Variants in R3HDM2 observed in about 807,000 individuals in gnomAD.
R3HDM2 encodes the protein R3H domain containing 2, also known as R3H domain-containing protein 2.
R3HDM2 carries 38 observed loss-of-function variants against 124.5 expected under a neutral mutation model. That is an observed-to-expected ratio of 0.31 (90% CI 0.24 to 0.40). The LOEUF (loss-of-function observed/expected upper bound fraction) is 0.40. R3HDM2 is among the 10% of genes least tolerant of loss of function. The probability of loss-of-function intolerance (pLI) is 1.00; values close to 1 mark genes in which losing one functional copy is unlikely to be tolerated. For missense variants in R3HDM2, 869 were observed against 1,236.9 expected (o/e 0.70, Z 4.46); for synonymous variants, 391 against 448.0 (o/e 0.87, Z 1.61).
chr12:57,299,260 G>T, intron 6 of R3HDM2, 92 bp downstream of exon 6: 1 of 1,355,612 alleles, frequency 7.4e-7, no homozygotes, highest in Non-Finnish European at 1.0e-6. Flanking sequence ...ACTACAAATT[G>T]ATGGGCCAGT....
chr12:57,407,733 G>A (rs1213189116), intron 1 of R3HDM2, among the ~76,000 whole-genome samples: 1 of 151,782 alleles, frequency 6.6e-6, no homozygotes, highest in African/African-American at 2.4e-5. Context: ...CGGGCAATTG[G>A]TTTTTTAAAG....
chr12:57,360,830 C>G (rs549419849), intron 2 of R3HDM2, among the ~76,000 whole-genome samples: 13 of 151,460 alleles, frequency 8.6e-5, no homozygotes, highest in Non-Finnish European at 1.3e-4. Context: ...CTGAGGCGGG[C>G]GGGTCATGAG....
intron 19 of R3HDM2, among the ~76,000 whole-genome samples, chr12:57,259,323 T>C (rs2040051540): frequency 6.6e-6 from 1 of 152,198 alleles, no homozygotes; most frequent in Non-Finnish European, 1.5e-5. Context: ...TTTGGTATGC[T>C]TGGCAGAAAA....
chr12:57,316,111 A>G (rs2139264394), intron 2 of R3HDM2, among the ~76,000 whole-genome samples: 1 of 152,354 alleles, frequency 6.6e-6, no homozygotes, highest in South Asian at 2.1e-4. Context: ...AAATTTAGTC[A>G]GTCATTCTAC....
At chr12:57,335,855 C>A (rs117789554) in intron 2 of R3HDM2, among the ~76,000 whole-genome samples, 2 of 151,716 alleles carry the variant, frequency 1.3e-5, no homozygotes, top group Non-Finnish European at 1.5e-5. Flanking sequence ...ATGGCTTGAG[C>A]CTATGAGTTC....
At chr12:57,370,917 G>T (rs1197204135) in intron 2 of R3HDM2, among the ~76,000 whole-genome samples, 1 of 151,932 alleles carries the variant, frequency 6.6e-6, no homozygotes, top group East Asian at 1.9e-4. Context: ...TGTTACAGGG[G>T]AATGAATGGA....
At chr12:57,391,694 G>A (rs2066701325) in intron 2 of R3HDM2, among the ~76,000 whole-genome samples, 1 of 152,184 alleles carries the variant, frequency 6.6e-6, no homozygotes, top group African/African-American at 2.4e-5. Context: ...AAGACACTGA[G>A]TAAAAGGACA....
chr12:57,290,804 G>T (rs1401483373), intron 11 of R3HDM2, among the ~76,000 whole-genome samples: 1 of 152,076 alleles, frequency 6.6e-6, no homozygotes, highest in Non-Finnish European at 1.5e-5. Context: ...TAGAGACGGG[G>T]TTTCTCCATG....
chr12:57,318,625 G>T lies in R3HDM2; in HGVS notation c.-35-8162C>A, dbSNP rs1593201568. On this transcript the variant is annotated intron_variant, in intron 2 of 23. Coordinates refer to ENST00000402412, the MANE Select transcript of R3HDM2 (RefSeq NM_001394031.1). The stretch of plus-strand genomic sequence containing the variant: ...ATCGTGCCACCGCACTCCAGCCTGG[G>T]CAAACAAGCGAGACTCCATCTCAAA... Among the ~76,000 whole-genome samples, 4 of 150,630 alleles carry T rather than the reference G, an allele frequency of 2.7e-5. No homozygotes were observed. In the South Asian group the frequency reaches 8.4e-4, roughly 32 times the overall value.
rs995287708 is a variant in R3HDM2 at position 57,254,312 on chromosome 12, C to T, written c.*461G>A. The T allele has an allele frequency of 5.4e-5, 23 of 429,200 alleles. No individual in the cohort carries two copies. Among genetic ancestry groups the T allele is most frequent in the Non-Finnish European group, 9.1e-5 (20 of 219,118 alleles). The allele number at this position is 429,200 out of a possible 1,614,324, so 26.6% of individuals were successfully genotyped here. ...GGTCAGGAGTTTGAGGCCAGCCTGG[C>T]CAACATGGTGAAACTCCGTCTCTAC... On this transcript the variant is annotated 3_prime_UTR_variant, in exon 24 of 24. Coordinates refer to ENST00000402412, the MANE Select transcript of R3HDM2 (RefSeq NM_001394031.1).
intron 1 of R3HDM2, among the ~76,000 whole-genome samples, chr12:57,399,940 T>C (rs1383990630): frequency 3.9e-5 from 6 of 152,318 alleles, no homozygotes; most frequent in African/African-American, 1.4e-4. Flanking sequence ...TTCCGCTGAT[T>C]CATCCTGATG....
At chr12:57,306,763 C>T (rs2052680005) in intron 3 of R3HDM2, among the ~76,000 whole-genome samples, 1 of 152,136 alleles carries the variant, frequency 6.6e-6, no homozygotes, top group Admixed American at 6.5e-5. Context: ...GCCTGTAATC[C>T]CAGCACTTTG....
chr12:57,305,301 AGTAT>A (rs2138881353), intron 3 of R3HDM2, among the ~76,000 whole-genome samples: 1 of 152,324 alleles, frequency 6.6e-6, no homozygotes, highest in African/African-American at 2.4e-5. Context: ...ATGGCTACAT[AGTAT>A]TCCACTGTGT....
At chr12:57,322,968 C>T (rs752847748) in intron 2 of R3HDM2, among the ~76,000 whole-genome samples, 2 of 152,094 alleles carry the variant, frequency 1.3e-5, no homozygotes, top group Non-Finnish European at 2.9e-5. Context: ...CAACCTGGGT[C>T]CATCCCTATG....
At chr12:57,369,729 G>C (rs958188894) in intron 2 of R3HDM2, among the ~76,000 whole-genome samples, 5 of 152,076 alleles carry the variant, frequency 3.3e-5, no homozygotes, top group Non-Finnish European at 7.3e-5. Context: ...AGGGCAGTAG[G>C]AACAGTTCGT....
intron 1 of R3HDM2, among the ~76,000 whole-genome samples, chr12:57,415,062 G>A (rs1214921019): frequency 6.6e-6 from 1 of 152,048 alleles, no homozygotes; most frequent in African/African-American, 2.4e-5. Context: ...GCTCCCTCAA[G>A]CCCCTTCGAA....
chr12:57,295,747 AG>A (rs2049660573), intron 9 of R3HDM2, among the ~76,000 whole-genome samples: 1 of 152,240 alleles, frequency 6.6e-6, no homozygotes, highest in African/African-American at 2.4e-5. Flanking sequence ...AAGAGAGGCT[AG>A]GGCCAGACTT....
At chr12:57,412,776 C>G (rs774156859) in intron 1 of R3HDM2, among the ~76,000 whole-genome samples, 2 of 151,196 alleles carry the variant, frequency 1.3e-5, no homozygotes, top group Non-Finnish European at 2.9e-5. Flanking sequence ...GAGGCCGAGG[C>G]GGGCAGATCA....
chr12:57,393,242 T>A (rs1482987981), intron 2 of R3HDM2, among the ~76,000 whole-genome samples: 1 of 152,164 alleles, frequency 6.6e-6, no homozygotes, highest in Non-Finnish European at 1.5e-5. Context: ...TAGCTCGGAC[T>A]ACAGGCACCC....
Sources: gnomAD v4.1 joint callset for allele counts (sites outside exome capture counted in the v4.1 genomes callset) on GRCh38, gnomAD v4.1.1 for gene constraint, MANE v1.5 for transcripts, NCBI Gene and HGNC (gene_info 2026-07-23, HGNC 2026-07-21) for gene names.